NCAM2: variants seen among roughly 807,000 people sequenced by gnomAD.
NCAM2 encodes the protein N-CAM-2.
In NCAM2, 30 loss-of-function variants were observed where a neutral mutation model predicts 98.1. That is an observed-to-expected ratio of 0.31 (90% CI 0.23 to 0.41). The LOEUF (loss-of-function observed/expected upper bound fraction) is 0.41. Among genes scored for constraint, NCAM2 ranks in the 10% least tolerant of loss-of-function variants. The probability of loss-of-function intolerance (pLI) is 1.00; values close to 1 mark genes in which losing one functional copy is unlikely to be tolerated. For missense variants in NCAM2, 867 were observed against 1,005.8 expected, an observed-to-expected ratio of 0.86 and a Z score of 1.87; for synonymous variants, 368 against 342.4, an observed-to-expected ratio of 1.07 and a Z score of -0.83.
At chr21:21,087,555 G>C (rs1294308429) in intron 1 of NCAM2, among the ~76,000 whole-genome samples, 3 of 152,066 alleles carry the variant, frequency 2.0e-5, no homozygotes, top group African/African-American at 7.2e-5. Flanking sequence ...TCTCCCTTGT[G>C]GTTCTTCTGT....
At chr21:21,013,301 C>T (rs1276354735) in intron 1 of NCAM2, among the ~76,000 whole-genome samples, 2 of 152,114 alleles carry the variant, frequency 1.3e-5, no homozygotes, top group African/African-American at 4.8e-5. Flanking sequence ...AGCAAAGCAA[C>T]CTTATTGCTT....
intron 1 of NCAM2, among the ~76,000 whole-genome samples, chr21:21,052,755 T>C (rs1016532215): frequency 6.6e-6 from 1 of 152,200 alleles, no homozygotes; most frequent in Non-Finnish European, 1.5e-5. Context: ...TTAGGCTCCA[T>C]CTGGGGTTTC....
intron 1 of NCAM2, among the ~76,000 whole-genome samples, chr21:21,022,730 T>G (rs1423619230): frequency 6.6e-6 from 1 of 152,210 alleles, no homozygotes. Context: ...TAATAATGAG[T>G]TTTTTTAATG....
intron 1 of NCAM2, among the ~76,000 whole-genome samples, chr21:21,251,595 G>A (rs1454362222): frequency 6.6e-6 from 1 of 152,080 alleles, no homozygotes; most frequent in East Asian, 1.9e-4. Context: ...CTGTTATTGT[G>A]AATAGTGCTG....
intron 1 of NCAM2, among the ~76,000 whole-genome samples, chr21:21,212,453 A>T (rs1252180245): frequency 6.6e-6 from 1 of 152,196 alleles, no homozygotes; most frequent in Non-Finnish European, 1.5e-5. Context: ...GATCATTGTG[A>T]TGATGGCAAT....
In NCAM2 at chr21:21,097,048, C is replaced by G. The variant is rs572083657; in HGVS notation, c.55+98430C>G. ...ACAGCATCATCATTTTAGTTTCTCC[C>G]TTGAACTTTTATTTTTGTCGGCCAA... On this transcript the variant is annotated intron_variant, in intron 1 of 17. Transcript: ENST00000400546. Among the ~76,000 whole-genome samples the G allele has an allele frequency of 5.2e-4, 79 of 151,746 alleles. 1 individual carries two copies. Among genetic ancestry groups the G allele is most frequent in the African/African-American group, 1.9e-3 (77 of 41,488 alleles).
intron 11 of NCAM2, among the ~76,000 whole-genome samples, chr21:21,425,933 T>G (rs187384976): frequency 5.9e-5 from 9 of 152,172 alleles, no homozygotes; most frequent in Admixed American, 5.9e-4. Context: ...AATATATTGC[T>G]TACAGTTCTA....
intron 1 of NCAM2, among the ~76,000 whole-genome samples, chr21:21,160,921 A>G (rs1569092118): frequency 6.6e-6 from 1 of 152,078 alleles, no homozygotes; most frequent in Non-Finnish European, 1.5e-5. Flanking sequence ...ATAGCACTGA[A>G]TAATGTTGGA....
intron 1 of NCAM2, among the ~76,000 whole-genome samples, chr21:21,204,102 A>G (rs1160078590): frequency 6.6e-6 from 1 of 152,096 alleles, no homozygotes; most frequent in Non-Finnish European, 1.5e-5. Flanking sequence ...CTTTACCTCC[A>G]GTTACTGCAC....
intron 5 of NCAM2, among the ~76,000 whole-genome samples, chr21:21,298,389 A>C (rs2147622769): frequency 6.6e-6 from 1 of 151,688 alleles, no homozygotes; most frequent in African/African-American, 2.4e-5. Flanking sequence ...ATATAAATTT[A>C]CCCAAATCAA....
chr21:21,390,101 G>A (rs1338420914), intron 9 of NCAM2, among the ~76,000 whole-genome samples: 1 of 151,932 alleles, frequency 6.6e-6, no homozygotes, highest in Non-Finnish European at 1.5e-5. Context: ...ACCCTCCTCG[G>A]CCTCCCAAAG....
At chr21:21,155,641 T>C (rs1412632654) in intron 1 of NCAM2, among the ~76,000 whole-genome samples, 1 of 151,902 alleles carries the variant, frequency 6.6e-6, no homozygotes, top group East Asian at 1.9e-4. Flanking sequence ...GAGCTCCCTT[T>C]TCAAAATAAT....
intron 1 of NCAM2, among the ~76,000 whole-genome samples, chr21:21,155,471 T>C (rs2067582108): frequency 6.6e-6 from 1 of 151,836 alleles, no homozygotes; most frequent in African/African-American, 2.4e-5. Flanking sequence ...CTTGACACTC[T>C]GGTTTTGTGT....
chr21:21,387,602 A>G (rs975476470), intron 9 of NCAM2, among the ~76,000 whole-genome samples: 5 of 152,222 alleles, frequency 3.3e-5, no homozygotes, highest in Admixed American at 3.3e-4. Context: ...TAATCCTAAA[A>G]CATTGGTTAA....
At chr21:21,181,832 A>C (rs897732278) in intron 1 of NCAM2, among the ~76,000 whole-genome samples, 3 of 152,034 alleles carry the variant, frequency 2.0e-5, no homozygotes, top group African/African-American at 7.2e-5. Flanking sequence ...TTAATTTATC[A>C]GTCTGCTGCC....
intron 1 of NCAM2, among the ~76,000 whole-genome samples, chr21:21,025,427 G>A (rs2064525718): frequency 1.3e-5 from 2 of 152,104 alleles, no homozygotes; most frequent in South Asian, 4.1e-4. Flanking sequence ...GGCGGTTTCT[G>A]TGTATGAGAG....
intron 1 of NCAM2, among the ~76,000 whole-genome samples, chr21:21,105,103 CA>C (rs1234722479): frequency 6.6e-6 from 1 of 151,232 alleles, no homozygotes; most frequent in East Asian, 1.9e-4. Flanking sequence ...TTCTGACCCT[CA>C]AAAAAAATGG....
chr21:21,022,070 C>T (rs905531391), intron 1 of NCAM2, among the ~76,000 whole-genome samples: 1 of 151,946 alleles, frequency 6.6e-6, no homozygotes, highest in South Asian at 2.1e-4. Flanking sequence ...GCTGTGATGG[C>T]TTTTATAAAT....
chr21:21,408,146 G>C (rs576987878), intron 9 of NCAM2, among the ~76,000 whole-genome samples: 19 of 152,302 alleles, frequency 1.2e-4, no homozygotes, highest in Admixed American at 3.9e-4. Context: ...TAATGACCAT[G>C]ATGAGGGAAA....
Sources: gnomAD v4.1 joint callset for allele counts (sites outside exome capture counted in the v4.1 genomes callset) on GRCh38, gnomAD v4.1.1 for gene constraint, MANE v1.5 for transcripts, NCBI Gene and HGNC (gene_info 2026-07-23, HGNC 2026-07-21) for gene names.